SH3YL1: variants seen among roughly 807,000 people sequenced by gnomAD.
SH3YL1 encodes SH3 domain-containing YSC84-like protein 1.
SH3YL1 carries 41 observed loss-of-function variants against 45.8 expected under a neutral mutation model. The ratio of observed to expected loss-of-function variants is 0.89; its 90% confidence interval spans 0.70 to 1.16. The LOEUF (loss-of-function observed/expected upper bound fraction) is 1.16. Ranked by LOEUF, SH3YL1 falls within the 50% of genes most tolerant of loss-of-function variation. The pLI is 0.00. For missense variants in SH3YL1, 389 were observed against 409.6 expected, an observed-to-expected ratio of 0.95 and a Z score of 0.43; for synonymous variants, 152 against 151.4, an observed-to-expected ratio of 1.00 and a Z score of -0.03.
At chr2:260,623 G>A (rs1369048429) in intron 1 of SH3YL1, 2 of 152,210 alleles carry the variant, frequency 1.3e-5, no homozygotes, top group African/African-American at 2.4e-5. Flanking sequence ...GGTGGAGAGA[G>A]CACCTGGGCT....
Position 218,615 on chromosome 2 carries a change from A to G in SH3YL1, c.*196T>C. 2 of 537,860 alleles carry G rather than the reference A, an allele frequency of 3.7e-6. No individual in the cohort carries two copies. Among genetic ancestry groups the G allele is most frequent in the South Asian group, 3.0e-5 (1 of 33,338 alleles). The allele number at this position is 537,860 out of a possible 1,614,324, so 33.3% of individuals were successfully genotyped here. A position where few individuals can be genotyped will look rare whatever the true frequency, so the allele number is the denominator to read the frequency against. On this transcript the variant is annotated 3_prime_UTR_variant, in exon 10 of 10. Transcript: ENST00000356150. ...TATTCTATGACACAGTAAGTGTGAT[A>G]AAGTTAGTACAAAGTATTTAAAGAT...
intron 8 of SH3YL1, 61 bp from the exon 9 acceptor site, chr2:224,981 C>T (rs1667733080): frequency 1.1e-5 from 15 of 1,307,034 alleles, no homozygotes; most frequent in Non-Finnish European, 1.4e-5. Flanking sequence ...ATACAAAATA[C>T]ACAAAATTGC....
chr2:219,623 A>C (rs1667492049), intron 9 of SH3YL1, among the ~76,000 whole-genome samples: 1 of 152,188 alleles, frequency 6.6e-6, no homozygotes, highest in South Asian at 2.1e-4. Context: ...GTTTTGTTAC[A>C]GCAGCTGGAA....
rs746208106 is a variant in SH3YL1, at chr2:231,126, G to C, written c.599C>G (p.Ala200Gly). ...ATCAAGAATTTCATAAAGATCTTCG[G>C]CTTGAGCAGGCCGCGGTGTATCTCC... ...LFGDTPRPAQ[A>G]EDLYEILDSF... Residue 200 changes from alanine (A) to glycine (G), a missense_variant, in exon 7 of 10, where the codon GCC becomes GGC. Physicochemically the swap from Ala to Gly is moderately conservative, Grantham distance 60. Coordinates refer to ENST00000356150, the MANE Select transcript of SH3YL1 (RefSeq NM_015677.4). 1 of 1,613,992 alleles carries C rather than the reference G, an allele frequency of 6.2e-7. No individual in the cohort carries two copies. The highest frequency in any genetic ancestry group is 2.2e-5 in the East Asian group (1 of 44,874).
intron 4 of SH3YL1, among the ~76,000 whole-genome samples, chr2:236,203 T>C (rs1368632042): frequency 9.5e-5 from 4 of 42,144 alleles, no homozygotes; most frequent in Admixed American, 4.8e-4. Context: ...GGCAGCAGCA[T>C]GGGTCAGGGG....
At chr2:257,235 A>T (rs1282289979) in intron 1 of SH3YL1, among the ~76,000 whole-genome samples, 1 of 152,160 alleles carries the variant, frequency 6.6e-6, no homozygotes, top group Non-Finnish European at 1.5e-5. Flanking sequence ...CTTTAGTTTA[A>T]GTAGGTCCCA....
At chr2:225,339 G>C (rs1277259589) in intron 8 of SH3YL1, among the ~76,000 whole-genome samples, 1 of 152,258 alleles carries the variant, frequency 6.6e-6, no homozygotes, top group Non-Finnish European at 1.5e-5. Flanking sequence ...ATGTAGTGTA[G>C]AAAGAGGCAG....
At chr2:257,950 TATCAG>T (rs1337358355) in intron 1 of SH3YL1, among the ~76,000 whole-genome samples, 2 of 152,202 alleles carry the variant, frequency 1.3e-5, no homozygotes, top group African/African-American at 4.8e-5. Context: ...CTTTGTCAAA[TATCAG>T]ATGATTGTAG....
At chr2:232,018 A>G (rs1298625317) in intron 6 of SH3YL1, among the ~76,000 whole-genome samples, 1 of 151,928 alleles carries the variant, frequency 6.6e-6, no homozygotes, top group Non-Finnish European at 1.5e-5. Context: ...TGAATGGCCA[A>G]TGCCAGCAGT....
At position 233,316 on chromosome 2, in the gene SH3YL1, A is replaced by G. The variant is rs530922263; in HGVS notation, c.405-87T>C. The G allele has an allele frequency of 3.2e-3, 4,200 of 1,302,924 alleles. 12 individuals carry two copies. The highest frequency in any genetic ancestry group is 4.5e-3 in the South Asian group (194 of 42,900). The allele number at this position is 1,302,924 out of a possible 1,614,324, so 80.7% of individuals were successfully genotyped here. A position where few individuals can be genotyped will look rare whatever the true frequency, so the allele number is the denominator to read the frequency against. On this transcript the variant is annotated intron_variant, in intron 5 of 9. Transcript: ENST00000356150. ...TTAAATAGCACTCCTTCTAGCTCAAATGAATTATTTTGTTCTGTACCTTCT... is the reference window on the plus strand; with the variant it reads ...TTAAATAGCACTCCTTCTAGCTCAAGTGAATTATTTTGTTCTGTACCTTCT...
chr2:260,179 A>G (rs1219889340), intron 1 of SH3YL1: 2 of 152,194 alleles, frequency 1.3e-5, no homozygotes, highest in African/African-American at 4.8e-5. Flanking sequence ...AGCCATTACT[A>G]TCAGGTGGTA....
chr2:260,367 T>C (rs1363670300), intron 1 of SH3YL1: 1 of 152,272 alleles, frequency 6.6e-6, no homozygotes, highest in Non-Finnish European at 1.5e-5. Flanking sequence ...ACATTGATGC[T>C]GCAGCCATAG....
intron 6 of SH3YL1, among the ~76,000 whole-genome samples, chr2:231,932 TG>T (rs1196392750): frequency 1.3e-5 from 2 of 152,200 alleles, no homozygotes; most frequent in African/African-American, 2.4e-5. Context: ...GTTCAGTTCC[TG>T]AATGACTCGG....
chr2:252,933 T>A, intron 2 of SH3YL1, 72 bp downstream of exon 2: 1 of 871,412 alleles, frequency 1.1e-6, no homozygotes, highest in Non-Finnish European at 1.8e-6. Context: ...TGAAATGGAG[T>A]GTCGAACAAT....
At position 258,496 on chromosome 2, in the gene SH3YL1, C is replaced by T. The variant is rs1669452318; in HGVS notation, c.2-5381G>A. On this transcript the variant is annotated intron_variant, in intron 1 of 9. Transcript: ENST00000356150. ...TCTTCCAGCTATGGGTTATGTTTTC[C>T]TGTTTTTACTCCTTTCTAGTAAAAC... Among the ~76,000 whole-genome samples, 4 of 152,232 alleles carry T rather than the reference C, an allele frequency of 2.6e-5. No homozygotes were observed. In the South Asian group the frequency reaches 8.3e-4, roughly 32 times the overall value.
In SH3YL1 at chr2:231,282, T is replaced by C. The variant is rs184226018; in HGVS notation, c.534-91A>G. ...CATGTGCGCACACACGGTGTGTATATATAATCATTCATACATAGCACTTCA... is the reference window on the plus strand; with the variant it reads ...CATGTGCGCACACACGGTGTGTATACATAATCATTCATACATAGCACTTCA... On this transcript the variant is annotated intron_variant, in intron 6 of 9. Coordinates refer to ENST00000356150, the MANE Select transcript of SH3YL1 (RefSeq NM_015677.4). The C allele has an allele frequency of 7.4e-5, 72 of 973,452 alleles. No homozygotes were observed. The East Asian group carries it at 1.5e-3, about 20-fold the overall frequency. 60.3% of individuals were successfully genotyped at this position (973,452 alleles called of 1,614,324 possible). A position where few individuals can be genotyped will look rare whatever the true frequency, so the allele number is the denominator to read the frequency against.
At chr2:233,397 C>T (rs902156085) in intron 5 of SH3YL1, among the ~76,000 whole-genome samples, 168 bp from the exon 6 acceptor site, 2 of 151,958 alleles carry the variant, frequency 1.3e-5, no homozygotes, top group African/African-American at 4.8e-5. Context: ...TTTAATGTGG[C>T]CTAGAGGAAA....
chr2:263,918 TC>T, intron 1 of SH3YL1, 65 bp downstream of exon 1: 1 of 1,373,584 alleles, frequency 7.3e-7, no homozygotes, highest in Non-Finnish European at 1.0e-6. Context: ...GTCCTCCTCC[TC>T]CCACCACCGC....
chr2:227,994 G>C (rs1318575337), intron 8 of SH3YL1, among the ~76,000 whole-genome samples: 2 of 152,058 alleles, frequency 1.3e-5, no homozygotes, highest in African/African-American at 4.8e-5. Context: ...AACATTAAAA[G>C]TAGTCACTAG....
Sources: allele counts gnomAD v4.1 joint callset (sites outside exome capture counted in the v4.1 genomes callset), GRCh38; gene constraint gnomAD v4.1.1; transcripts MANE v1.5; gene names NCBI Gene and HGNC (gene_info 2026-07-23, HGNC 2026-07-21).